NUP93: variants seen among roughly 807,000 people sequenced by gnomAD.
NUP93 encodes nucleoporin 93, also known as nuclear pore complex protein Nup93.
Under a neutral mutation model 107.8 loss-of-function variants are expected in NUP93, and 55 were observed. The observed-to-expected ratio is 0.51, with a 90% CI of 0.41 to 0.64. The LOEUF (loss-of-function observed/expected upper bound fraction) is 0.64, where lower values mean the gene tolerates loss of function less well. Among genes scored for constraint, NUP93 ranks in the 30% least tolerant of loss-of-function variants. The probability of loss-of-function intolerance (pLI) is 0.00; values close to 1 mark genes in which losing one functional copy is unlikely to be tolerated. For synonymous variants in NUP93, 390 were observed against 397.5 expected, an observed-to-expected ratio of 0.98 and a Z score of 0.22; for missense variants, 937 against 1,044.7, an observed-to-expected ratio of 0.90 and a Z score of 1.42.
intron 17 of NUP93, among the ~76,000 whole-genome samples, chr16:56,837,353 A>G (rs968756860): frequency 1.5e-4 from 23 of 152,232 alleles, no homozygotes; most frequent in Non-Finnish European, 1.6e-4. Flanking sequence ...ACTTGAGGCC[A>G]GGAGTTCGAG....
At chr16:56,822,727 A>AT (rs1331388391) in intron 7 of NUP93, among the ~76,000 whole-genome samples, 3 of 151,252 alleles carry the variant, frequency 2.0e-5, no homozygotes, top group Non-Finnish European at 2.9e-5. Flanking sequence ...TGCCTGGTTA[A>AT]TTTTTTTTGT....
At chr16:56,756,536 T>C (rs1001267435) in intron 2 of NUP93, among the ~76,000 whole-genome samples, 30 of 152,298 alleles carry the variant, frequency 2.0e-4, no homozygotes, top group African/African-American at 7.0e-4. Context: ...CTTTAACCAG[T>C]CTATCATTGA....
chr16:56,805,376 G>A, intron 4 of NUP93, 128 bp from the exon 5 acceptor site: 1 of 959,868 alleles, frequency 1.0e-6, no homozygotes. Context: ...AATTTTTAAA[G>A]TAGATTGCTT....
At chr16:56,791,384 A>T (rs1453757779) in intron 3 of NUP93, among the ~76,000 whole-genome samples, 1 of 152,238 alleles carries the variant, frequency 6.6e-6, no homozygotes, top group African/African-American at 2.4e-5. Flanking sequence ...CAGAACTGTG[A>T]AAGAACCAAT....
intron 4 of NUP93, 89 bp from the exon 5 acceptor site, chr16:56,805,415 C>A: frequency 6.8e-7 from 1 of 1,466,832 alleles, no homozygotes; most frequent in Non-Finnish European, 9.3e-7. Flanking sequence ...AGTGGTTGGT[C>A]TGGAGGGCTT....
In NUP93 at chr16:56,845,673, G is replaced by C. The variant is rs1282653341; in HGVS notation, c.*1064G>C. ...GCCTTGAGACAGTGGGCAGTGGTCT[G>C]CTCTGCTGGTTTGATGGACGGCTCC... On this transcript the variant is annotated 3_prime_UTR_variant, in exon 22 of 22. Transcript: ENST00000308159. The C allele has an allele frequency of 6.6e-6, 1 of 152,182 alleles. No homozygotes were observed. The highest frequency in any genetic ancestry group is 2.4e-5 in the African/African-American group (1 of 41,436). 9.4% of individuals were successfully genotyped at this position (152,182 alleles called of 1,614,324 possible). A position where few individuals can be genotyped will look rare whatever the true frequency, so the allele number is the denominator to read the frequency against.
chr16:56,844,208 A>C (rs1964079485), intron 21 of NUP93, among the ~76,000 whole-genome samples: 1 of 152,140 alleles, frequency 6.6e-6, no homozygotes, highest in Non-Finnish European at 1.5e-5. Context: ...AAGCTAGCCA[A>C]ATGTGTTGGG....
intron 1 of NUP93, among the ~76,000 whole-genome samples, chr16:56,744,945 G>A (rs759709897): frequency 3.3e-5 from 5 of 152,108 alleles, no homozygotes; most frequent in Non-Finnish European, 4.4e-5. Flanking sequence ...TCTCACCAAC[G>A]GAAGAAAAAA....
intron 8 of NUP93, among the ~76,000 whole-genome samples, chr16:56,827,073 T>C (rs996446153): frequency 7.6e-5 from 6 of 78,638 alleles, no homozygotes; most frequent in Non-Finnish European, 1.7e-4. Flanking sequence ...AAAAAAATTT[T>C]GTTGAGTCTG....
At position 56,789,441 on chromosome 16, in the gene NUP93, G is replaced by A. The variant is rs527532029; in HGVS notation, c.298-9035G>A. ...TTTTTAGCCCAATAGCAGAAACCAT[G>A]TACAAAATGGGACCCAGCAGTCTGA... On this transcript the variant is annotated intron_variant, in intron 3 of 21. Coordinates refer to ENST00000308159, the MANE Select transcript of NUP93 (RefSeq NM_014669.5). Among the ~76,000 whole-genome samples the A allele has an allele frequency of 2.6e-5, 4 of 152,332 alleles. No homozygotes were observed. In the South Asian group the frequency reaches 6.2e-4, roughly 24 times the overall value.
chr16:56,810,357 A>T (rs1332401732), intron 5 of NUP93, among the ~76,000 whole-genome samples: 1 of 152,212 alleles, frequency 6.6e-6, no homozygotes, highest in Non-Finnish European at 1.5e-5. Context: ...GGCTGAGTGC[A>T]GTGGCTTATG....
intron 20 of NUP93, 86 bp from the exon 21 acceptor site, chr16:56,841,619 G>A: frequency 6.5e-7 from 1 of 1,542,892 alleles, no homozygotes; most frequent in Non-Finnish European, 8.8e-7. Context: ...AACCAGGCCT[G>A]CCTGGAGCAG....
intron 3 of NUP93, among the ~76,000 whole-genome samples, chr16:56,777,863 C>G (rs1247589588): frequency 2.0e-5 from 3 of 152,194 alleles, no homozygotes; most frequent in Non-Finnish European, 2.9e-5. Context: ...AAAGAACAAG[C>G]AAAAGTAATA....
At chr16:56,754,892 C>A (rs1304674431) in intron 2 of NUP93, among the ~76,000 whole-genome samples, 7 of 152,178 alleles carry the variant, frequency 4.6e-5, no homozygotes, top group African/African-American at 9.7e-5. Context: ...GGTAGCTGTT[C>A]GGAGGCTCCC....
intron 9 of NUP93, among the ~76,000 whole-genome samples, chr16:56,830,018 C>T (rs1963747376): frequency 1.3e-5 from 2 of 152,144 alleles, no homozygotes; most frequent in Admixed American, 1.3e-4. Flanking sequence ...AGAGTGGGAA[C>T]GGAGCTGTCT....
chr16:56,741,650 A>T (rs2144444558), intron 1 of NUP93: 1 of 152,354 alleles, frequency 6.6e-6, no homozygotes, highest in African/African-American at 2.4e-5. Flanking sequence ...AAAAAGGAAG[A>T]TCATTGTCAG....
intron 3 of NUP93, among the ~76,000 whole-genome samples, chr16:56,763,783 A>G (rs1962171593): frequency 6.6e-6 from 1 of 151,938 alleles, no homozygotes; most frequent in Non-Finnish European, 1.5e-5. Context: ...ATAGAAATCT[A>G]GATTATGTTG....
At chr16:56,804,052 C>T (rs1963079762) in intron 4 of NUP93, among the ~76,000 whole-genome samples, 1 of 152,130 alleles carries the variant, frequency 6.6e-6, no homozygotes, top group Admixed American at 6.5e-5. Context: ...CACGTGTGAC[C>T]AGAAAACAAC....
intron 1 of NUP93, among the ~76,000 whole-genome samples, chr16:56,739,245 G>A (rs1378647475): frequency 1.4e-4 from 16 of 114,964 alleles, no homozygotes; most frequent in South Asian, 3.5e-4. Flanking sequence ...CCTCCCAGAC[G>A]GGGTGGTGGC....
Sources: allele counts gnomAD v4.1 joint callset (sites outside exome capture counted in the v4.1 genomes callset), GRCh38; gene constraint gnomAD v4.1.1; transcripts MANE v1.5; gene names NCBI Gene and HGNC (gene_info 2026-07-23, HGNC 2026-07-21).